TMCC1: variants seen among roughly 807,000 people sequenced by gnomAD.
The protein encoded by TMCC1 is transmembrane and coiled-coil domains protein 1.
Under a neutral mutation model 52.4 loss-of-function variants are expected in TMCC1, and 15 were observed. The observed-to-expected ratio is 0.29, with a 90% CI of 0.19 to 0.44. The LOEUF (loss-of-function observed/expected upper bound fraction) is 0.44. Among genes scored for constraint, TMCC1 ranks in the 20% least tolerant of loss-of-function variants. The pLI is 1.00. For missense variants in TMCC1, 503 were observed against 806.0 expected (o/e 0.62, Z 4.55); for synonymous variants, 279 against 301.9 (o/e 0.92, Z 0.79).
intron 4 of TMCC1, among the ~76,000 whole-genome samples, chr3:129,797,772 T>A (rs2056933012): frequency 6.6e-6 from 1 of 152,130 alleles, no homozygotes; most frequent in Middle Eastern, 3.2e-3. Context: ...AATCTTTTAC[T>A]CTTAAAAACT....
At chr3:129,785,582 CACAA>C (rs1206091706) in intron 4 of TMCC1, among the ~76,000 whole-genome samples, 116 of 139,314 alleles carry the variant, frequency 8.3e-4, no homozygotes, top group African/African-American at 3.7e-3. Context: ...CACACACACA[CACAA>C]ACACACACAC....
At chr3:129,691,209 CT>C (rs1459081863) in intron 4 of TMCC1, among the ~76,000 whole-genome samples, 7 of 152,194 alleles carry the variant, frequency 4.6e-5, no homozygotes, top group African/African-American at 1.7e-4. Context: ...CATTATCCAG[CT>C]TGTCAGACTT....
intron 4 of TMCC1, among the ~76,000 whole-genome samples, chr3:129,710,356 C>T (rs927826914): frequency 5.9e-5 from 9 of 152,142 alleles, no homozygotes; most frequent in Middle Eastern, 3.4e-3. Flanking sequence ...GGAATAGGGA[C>T]GGTCTCATTA....
chr3:129,785,585 A>G (rs1180461751), intron 4 of TMCC1, among the ~76,000 whole-genome samples: 1 of 148,666 alleles, frequency 6.7e-6, no homozygotes, highest in Non-Finnish European at 1.5e-5. Context: ...ACACACACAC[A>G]AACACACACA....
intron 4 of TMCC1, among the ~76,000 whole-genome samples, chr3:129,765,240 TA>T (rs2054030471): frequency 6.6e-6 from 1 of 151,956 alleles, no homozygotes; most frequent in East Asian, 1.9e-4. Context: ...AGAATTCCAT[TA>T]ATTAGTAACT....
At chr3:129,671,925 A>C (rs2087980618) in intron 4 of TMCC1, among the ~76,000 whole-genome samples, 1 of 152,228 alleles carries the variant, frequency 6.6e-6, no homozygotes, top group African/African-American at 2.4e-5. Context: ...ACCAAATCAA[A>C]GGTGATAACC....
At chr3:129,718,704 T>G (rs566077166) in intron 4 of TMCC1, among the ~76,000 whole-genome samples, 29 of 152,242 alleles carry the variant, frequency 1.9e-4, no homozygotes, top group Non-Finnish European at 3.4e-4. Flanking sequence ...GTAAATGTAT[T>G]TTCTCTTCCT....
At chr3:129,830,710 C>G (rs1205437095) in intron 3 of TMCC1, among the ~76,000 whole-genome samples, 1 of 152,058 alleles carries the variant, frequency 6.6e-6, no homozygotes, top group East Asian at 1.9e-4. Context: ...TAAAAGACAG[C>G]AAGAATAAAG....
intron 4 of TMCC1, among the ~76,000 whole-genome samples, chr3:129,711,084 G>C (rs1390508320): frequency 6.6e-6 from 1 of 152,052 alleles, no homozygotes; most frequent in Non-Finnish European, 1.5e-5. Flanking sequence ...GGCTGGTCTT[G>C]AACTCCTCAC....
intron 4 of TMCC1, among the ~76,000 whole-genome samples, chr3:129,763,825 CAAAT>C (rs555686977): frequency 4.8e-5 from 7 of 145,330 alleles, no homozygotes; most frequent in East Asian, 4.0e-4. Context: ...GACTCTGTCT[CAAAT>C]AAATAAATAA....
chr3:129,726,420 T>C (rs1481168736), intron 4 of TMCC1, among the ~76,000 whole-genome samples: 1 of 152,166 alleles, frequency 6.6e-6, no homozygotes, highest in Non-Finnish European at 1.5e-5. Context: ...TTACATCCTC[T>C]ACAATACGGT....
At chr3:129,754,214 C>T (rs969834820) in intron 4 of TMCC1, among the ~76,000 whole-genome samples, 3 of 152,104 alleles carry the variant, frequency 2.0e-5, no homozygotes, top group African/African-American at 7.2e-5. Context: ...CTACAAAACA[C>T]TGATAAAAGA....
chr3:129,743,292 T>C (rs994064085), intron 4 of TMCC1, among the ~76,000 whole-genome samples: 6 of 152,164 alleles, frequency 3.9e-5, no homozygotes, highest in African/African-American at 1.4e-4. Context: ...TAAGAAAAAA[T>C]TCTTGGTTGA....
At chr3:129,734,095 T>G (rs543884382) in intron 4 of TMCC1, among the ~76,000 whole-genome samples, 1 of 152,306 alleles carries the variant, frequency 6.6e-6, no homozygotes, top group South Asian at 2.1e-4. Context: ...AAACTCCATA[T>G]ATTTGCATAA....
chr3:129,875,639 C>T (rs1350371741), intron 2 of TMCC1, among the ~76,000 whole-genome samples: 1 of 151,898 alleles, frequency 6.6e-6, no homozygotes, highest in African/African-American at 2.4e-5. Context: ...AACTTTTATC[C>T]ACTGTATCTC....
chr3:129,752,485 G>A (rs898289527), intron 4 of TMCC1, among the ~76,000 whole-genome samples: 3 of 152,106 alleles, frequency 2.0e-5, no homozygotes, highest in Admixed American at 2.0e-4. Flanking sequence ...AATGACTAAT[G>A]AATGATCAAA....
intron 6 of TMCC1, among the ~76,000 whole-genome samples, chr3:129,653,558 C>T (rs1278391630): frequency 1.3e-5 from 2 of 152,224 alleles, no homozygotes; most frequent in African/African-American, 4.8e-5. Context: ...ATTCTTCTGC[C>T]TCAGCCTCCT....
At chr3:129,704,315 C>T (rs533146217) in intron 4 of TMCC1, among the ~76,000 whole-genome samples, 24 of 152,308 alleles carry the variant, frequency 1.6e-4, no homozygotes, top group Non-Finnish European at 3.2e-4. Flanking sequence ...GTTCTATAAC[C>T]TGGTATCAAC....
In TMCC1 at chr3:129,828,257, G is replaced by A; in HGVS notation, c.122C>T (p.Ala41Val). The A allele has an allele frequency of 6.2e-7, 1 of 1,614,120 alleles. No individual in the cohort carries two copies. Residue 41 changes from alanine (A) to valine (V), a missense_variant, in exon 4 of 7, where the codon GCT (alanine) becomes GTT (valine). Around this residue, in one of 7 missense-constraint regions of TMCC1, gnomAD observed 217 missense variants for 297.9 expected, o/e 0.73. Transcript: ENST00000393238. The surrounding 1 kb of genome is among the most constrained non-coding windows in gnomAD (Gnocchi z 4.1). ...GCCAATCACGTTAATGTTCTCCAAA[G>A]CATTGTGGGTCATTTTAGACAATTT... The part of the protein sequence containing the change: ...EQKLSKMTHN[A>V]LENINVIGQG...
Sources: gnomAD v4.1 joint callset for allele counts (sites outside exome capture counted in the v4.1 genomes callset) on GRCh38, gnomAD v4.1.1 for gene constraint, gnomAD v4.1.1 regional missense constraint, Gnocchi (gnomAD v3.1) non-coding constraint, MANE v1.5 for transcripts, NCBI Gene and HGNC (gene_info 2026-07-23, HGNC 2026-07-21) for gene names.